Variants in MGAT5 observed in about 807,000 individuals in gnomAD.
MGAT5 encodes the protein alpha-1,6-mannosylglycoprotein 6-beta-N-acetylglucosaminyltransferase, also known as alpha-1,6-mannosylglycoprotein 6-beta-N-acetylglucosaminyltransferase A.
A neutral mutation model predicts 94.3 loss-of-function variants in MGAT5; 30 were observed. That is an observed-to-expected ratio of 0.32 (90% CI 0.24 to 0.43). MGAT5 has a LOEUF of 0.43. Ranked by LOEUF, MGAT5 falls within the 20% of genes least tolerant of loss-of-function variation. The probability of loss-of-function intolerance (pLI) is 1.00; values close to 1 mark genes in which losing one functional copy is unlikely to be tolerated. For missense variants in MGAT5, 691 were observed against 905.5 expected (o/e 0.76, Z 3.04); for synonymous variants, 310 against 322.9 (o/e 0.96, Z 0.43).
intron 3 of MGAT5, among the ~76,000 whole-genome samples, chr2:134,318,260 T>C (rs1422462217): frequency 6.6e-6 from 1 of 152,134 alleles, no homozygotes; most frequent in Non-Finnish European, 1.5e-5. Flanking sequence ...CTTCACGCAC[T>C]GTATTTCAGG....
chr2:134,395,943 A>G (rs1207591793), intron 10 of MGAT5, among the ~76,000 whole-genome samples: 1 of 152,204 alleles, frequency 6.6e-6, no homozygotes, highest in Non-Finnish European at 1.5e-5. Context: ...CCAAGACTAA[A>G]TGTGGAGGCC....
Position 134,449,203 on chromosome 2 carries a change from C to G in MGAT5, c.*356C>G, listed in dbSNP as rs542793850. The G allele has an allele frequency of 1.8e-5, 4 of 227,448 alleles. No individual in the cohort carries two copies. The highest frequency in any genetic ancestry group is 3.4e-5 in the Non-Finnish European group (4 of 116,614). 14.1% of individuals were successfully genotyped at this position (227,448 alleles called of 1,614,324 possible). A position where few individuals can be genotyped will look rare whatever the true frequency, so the allele number is the denominator to read the frequency against. On this transcript the variant is annotated 3_prime_UTR_variant, in exon 16 of 16. Transcript: ENST00000281923. ...GAGGAATTGAGCTGATGGGAAAGAA[C>G]TCTGAATGGGAATATTCCTAAACCC... is the stretch of plus-strand genomic sequence containing the variant.
Position 134,450,783 on chromosome 2 carries a change from A to AGTGTGTGTGTGTGTGTGTGTGT in MGAT5, c.*1963_*1984dup, listed in dbSNP as rs58666142. 1 of 137,284 alleles carries AGTGTGTGTGTGTGTGTGTGTGT rather than the reference A, an allele frequency of 7.3e-6. No individual in the cohort carries two copies. The highest frequency in any genetic ancestry group is 2.2e-4 in the East Asian group (1 of 4,564). The allele number at this position is 137,284 out of a possible 1,614,324, so 8.5% of individuals were successfully genotyped here. A position where few individuals can be genotyped will look rare whatever the true frequency, so the allele number is the denominator to read the frequency against. ...AGTCCAAAGGAAACCTTGGTGAGTG[A>AGTGTGTGTGTGTGTGTGTGTGT]GTGTGTGTGTGTGTGTGTGTGTGTG... On this transcript the variant is annotated 3_prime_UTR_variant, in exon 16 of 16. Coordinates refer to ENST00000281923, the MANE Select transcript of MGAT5 (RefSeq NM_002410.5).
chr2:134,171,125 T>C (rs62165704), intron 1 of MGAT5, among the ~76,000 whole-genome samples: 33,363 of 152,110 alleles, frequency 0.22, 3,744 homozygotes, highest in South Asian at 0.27. Flanking sequence ...CCTCCCAAAG[T>C]GCTGGGATTC....
At position 134,120,372 on chromosome 2, in the gene MGAT5, G is replaced by T. The variant is rs547458824; in HGVS notation, c.-143+81G>T. ...GGTGATGCGCGCAGAGGGGACCGCG[G>T]GGGGCACGGGGAACCAGGCGCGGGC... On this transcript the variant is annotated intron_variant, in intron 1 of 16. Coordinates refer to the MGAT5 transcript ENST00000409645. 8.5e-5 allele frequency: 32 copies of T among 378,062 alleles called. No individual in the cohort carries two copies. In the Middle Eastern group the frequency reaches 2.0e-3, roughly 24 times the overall value. 23.4% of individuals were successfully genotyped at this position (378,062 alleles called of 1,614,324 possible). A position where few individuals can be genotyped will look rare whatever the true frequency, so the allele number is the denominator to read the frequency against.
chr2:134,146,631 A>C (rs1377952383), intron 1 of MGAT5, among the ~76,000 whole-genome samples: 4 of 152,158 alleles, frequency 2.6e-5, no homozygotes, highest in Non-Finnish European at 5.9e-5. Flanking sequence ...TACTGTTTGA[A>C]GATAATGCTG....
chr2:134,258,102 G>A (rs951946868), intron 1 of MGAT5, among the ~76,000 whole-genome samples: 3 of 152,074 alleles, frequency 2.0e-5, no homozygotes, highest in African/African-American at 4.8e-5. Flanking sequence ...TAGAATTTCT[G>A]GTTAGAGATT....
intron 1 of MGAT5, among the ~76,000 whole-genome samples, chr2:134,160,537 G>A (rs1421572842): frequency 1.3e-5 from 2 of 152,232 alleles, no homozygotes; most frequent in Non-Finnish European, 2.9e-5. Flanking sequence ...GCTGGGTGCA[G>A]CTGTTGGTGT....
chr2:134,221,728 T>C (rs1244140438), intron 1 of MGAT5, among the ~76,000 whole-genome samples: 1 of 152,214 alleles, frequency 6.6e-6, no homozygotes, highest in Non-Finnish European at 1.5e-5. Flanking sequence ...AGTCACTATA[T>C]ACAGCATCAA....
chr2:134,300,591 G>A (rs1685955371), intron 2 of MGAT5, among the ~76,000 whole-genome samples: 1 of 152,116 alleles, frequency 6.6e-6, no homozygotes. Flanking sequence ...TTGTACTTAA[G>A]TCCAAGATTA....
chr2:134,168,395 C>T (rs910666335), intron 1 of MGAT5, among the ~76,000 whole-genome samples: 4 of 152,128 alleles, frequency 2.6e-5, no homozygotes, highest in African/African-American at 4.8e-5. Context: ...TTGGGGGACA[C>T]TTTTCATGGA....
chr2:134,236,834 G>A (rs1359914115), intron 1 of MGAT5, among the ~76,000 whole-genome samples: 1 of 152,094 alleles, frequency 6.6e-6, no homozygotes, highest in Non-Finnish European at 1.5e-5. Flanking sequence ...TGTACCCTCA[G>A]TGTTTTCTCC....
At chr2:134,133,248 G>A (rs566596030) in intron 1 of MGAT5, among the ~76,000 whole-genome samples, 11 of 152,184 alleles carry the variant, frequency 7.2e-5, no homozygotes, top group Admixed American at 6.5e-4. Context: ...GGACTTCTGT[G>A]GTTGAAAAGA....
intron 1 of MGAT5, among the ~76,000 whole-genome samples, chr2:134,264,146 C>T (rs1683533575): frequency 6.6e-6 from 1 of 151,806 alleles, no homozygotes; most frequent in East Asian, 1.9e-4. Flanking sequence ...CCTCAGCCTC[C>T]TTAGTAGCTG....
chr2:134,419,687 G>A lies in MGAT5; in HGVS notation c.1678-3116G>A, dbSNP rs913714139. On this transcript the variant is annotated intron_variant, in intron 12 of 15. Transcript: ENST00000281923. ...ACGTAACATTCAGAGGGGAACTAAT[G>A]AATCACAAAATGCCTCACTCATAAA... Among the ~76,000 whole-genome samples the A allele has an allele frequency of 4.6e-5, 7 of 152,132 alleles. No individual in the cohort carries two copies. In the South Asian group the frequency reaches 1.4e-3, roughly 32 times the overall value.
chr2:134,393,356 C>T lies in MGAT5; in HGVS notation c.1381-9632C>T, dbSNP rs139447790. Among the ~76,000 whole-genome samples the T allele has an allele frequency of 3.3e-5, 5 of 152,252 alleles. No individual in the cohort carries two copies. The East Asian group carries it at 9.7e-4, about 29-fold the overall frequency. On this transcript the variant is annotated intron_variant, in intron 10 of 15. Coordinates refer to ENST00000281923, the MANE Select transcript of MGAT5 (RefSeq NM_002410.5). ...TATTTACAGACAGAGACCAATTCTC[C>T]CCTGTCTCCACTCTGAGTAATTAAT... is the stretch of plus-strand genomic sequence containing the variant.
intron 1 of MGAT5, among the ~76,000 whole-genome samples, chr2:134,137,384 C>T (rs1392208762): frequency 2.0e-4 from 30 of 152,170 alleles, no homozygotes; most frequent in Admixed American, 1.8e-3. Flanking sequence ...GGGTGCTCTG[C>T]CGCTGCTGTA....
At chr2:134,259,997 G>A (rs951193383) in intron 1 of MGAT5, among the ~76,000 whole-genome samples, 1 of 152,084 alleles carries the variant, frequency 6.6e-6, no homozygotes, top group Non-Finnish European at 1.5e-5. Context: ...AATGACACAC[G>A]GAGCAGCCAG....
intron 2 of MGAT5, among the ~76,000 whole-genome samples, chr2:134,301,222 C>A (rs1419001737): frequency 1.3e-5 from 2 of 152,114 alleles, no homozygotes; most frequent in Non-Finnish European, 2.9e-5. Context: ...TAAAAAATCG[C>A]AGAGCAGTAC....
Sources: gnomAD v4.1 joint callset for allele counts (sites outside exome capture counted in the v4.1 genomes callset) on GRCh38, gnomAD v4.1.1 for gene constraint, MANE v1.5 for transcripts, NCBI Gene and HGNC (gene_info 2026-07-23, HGNC 2026-07-21) for gene names.